The following FYTTD1 variants were observed in gnomAD, a reference collection of about 807,000 sequenced individuals.
FYTTD1 encodes UAP56-interacting factor.
Under a neutral mutation model 40.9 loss-of-function variants are expected in FYTTD1, and 22 were observed. The ratio of observed to expected loss-of-function variants is 0.54; its 90% confidence interval spans 0.38 to 0.77. FYTTD1 has a LOEUF of 0.77. Among genes scored for constraint, FYTTD1 ranks in the 30% least tolerant of loss-of-function variants. FYTTD1 has a pLI of 0.00. For synonymous variants in FYTTD1, 140 were observed against 137.9 expected (o/e 1.01, Z -0.10); for missense variants, 351 against 392.2 (o/e 0.90, Z 0.89).
At chr3:197,751,304 C>G (rs1729032807) in intron 1 of FYTTD1, among the ~76,000 whole-genome samples, 1 of 152,198 alleles carries the variant, frequency 6.6e-6, no homozygotes, top group African/African-American at 2.4e-5. Context: ...GGTTTGGCCT[C>G]AAGTCTTGCC....
chr3:197,750,108 G>T, intron 1 of FYTTD1, 34 bp downstream of exon 1: 2 of 1,484,204 alleles, frequency 1.3e-6, no homozygotes, highest in Non-Finnish European at 1.8e-6. Flanking sequence ...TTGGAGTGCG[G>T]GGGAGGGCGC....
rs543312792 is a variant in FYTTD1 at position 197,773,465 on chromosome 3, G to A, written c.560G>A (p.Arg187His). The change falls in exon 5 of 9, where the codon CGT becomes CAT. Residue 187 changes from arginine to histidine, a missense_variant. Transcript: ENST00000241502. ...AAATTAAATCATCAGAAAGATACTC[G>A]TCAGGCAACTTTTCTTTTCAGAAGA... ...GNKLNHQKDT[R>H]QATFLFRRGL... is the part of the protein sequence containing the mutation. The A allele has an allele frequency of 3.2e-5, 52 of 1,600,500 alleles. No homozygotes were observed. Among genetic ancestry groups the A allele is most frequent in the Non-Finnish European group, 4.0e-5 (47 of 1,170,868 alleles).
At chr3:197,753,800 G>A (rs1177945485) in intron 1 of FYTTD1, among the ~76,000 whole-genome samples, 2 of 151,980 alleles carry the variant, frequency 1.3e-5, no homozygotes, top group Non-Finnish European at 2.9e-5. Flanking sequence ...CTGTCGCCCA[G>A]GCTGGAGTGC....
At chr3:197,756,321 AAGT>A in intron 1 of FYTTD1, 102 bp from the exon 2 acceptor site, 1 of 781,112 alleles carries the variant, frequency 1.3e-6, no homozygotes, top group Non-Finnish European at 2.1e-6. Flanking sequence ...AGTGCTTTCA[AAGT>A]AGAAAAGAAG....
chr3:197,750,104 T>G, intron 1 of FYTTD1, 30 bp downstream of exon 1: 6 of 1,494,238 alleles, frequency 4.0e-6, no homozygotes, highest in Non-Finnish European at 5.4e-6. Flanking sequence ...CGAGTTGGAG[T>G]GCGGGGGAGG....
rs35095139 is a variant in FYTTD1 at position 197,785,638 on chromosome 3, ATT to A, written c.*3732_*3733del. The A allele has an allele frequency of 6.6e-6, 1 of 152,114 alleles. No homozygotes were observed. Among genetic ancestry groups the A allele is most frequent in the African/African-American group, 2.4e-5 (1 of 41,430 alleles). 9.4% of individuals were successfully genotyped at this position (152,114 alleles called of 1,614,324 possible). On this transcript the variant is annotated 3_prime_UTR_variant, in exon 9 of 9. Transcript: ENST00000241502. ...ACTAGGTATGTATATCATTATTAAT[ATT>A]TTACTGTAAATAGCTTTGTAATTCA...
At chr3:197,768,786 G>GTTGT (rs941907896) in intron 3 of FYTTD1, among the ~76,000 whole-genome samples, 199 bp downstream of exon 3, 6 of 151,984 alleles carry the variant, frequency 3.9e-5, no homozygotes, top group Non-Finnish European at 5.9e-5. Context: ...ATATAAGTAA[G>GTTGT]TTGTTTGTTT....
At chr3:197,750,207 C>T in intron 1 of FYTTD1, 133 bp downstream of exon 1, 1 of 825,040 alleles carries the variant, frequency 1.2e-6, no homozygotes. Context: ...CGGACCCGAG[C>T]GGAGGCCCGG....
rs558004549 is a variant in FYTTD1, at chr3:197,751,931, G to A, written c.103+1857G>A. On this transcript the variant is annotated intron_variant, in intron 1 of 8. Transcript: ENST00000241502. ...CTGTCGCCCAGGTTGGAGTGCAGTG[G>A]TGTGATCTCGGGTCGCTGCAACCTC... Among the ~76,000 whole-genome samples, 216 of 152,212 alleles carry A rather than the reference G, an allele frequency of 1.4e-3. 2 individuals are homozygous for A. The highest frequency in any genetic ancestry group is 4.8e-3 in the African/African-American group (201 of 41,514).
intron 2 of FYTTD1, among the ~76,000 whole-genome samples, chr3:197,757,535 C>T (rs1356941172): frequency 6.6e-6 from 1 of 152,184 alleles, no homozygotes; most frequent in African/African-American, 2.4e-5. Context: ...TGCCTGTAAT[C>T]CCAGAACTTT....
rs1353699421 is a variant in FYTTD1 at position 197,787,032 on chromosome 3, CAGG to C, written c.*5126_*5128del. On this transcript the variant is annotated 3_prime_UTR_variant, in exon 9 of 9. Coordinates refer to ENST00000241502, the MANE Select transcript of FYTTD1 (RefSeq NM_032288.7). Reference sequence around the variant, plus strand: ...CAGGCTGGTCTCGAACTCCTACCCTCAGGAGATCTGCCTGCCTCAGCTTCCCAA... The same window carrying C: ...CAGGCTGGTCTCGAACTCCTACCCTCAGATCTGCCTGCCTCAGCTTCCCAA... 3 of 151,946 alleles carry C rather than the reference CAGG, an allele frequency of 2.0e-5. No homozygotes were observed. The highest frequency in any genetic ancestry group is 7.3e-5 in the African/African-American group (3 of 41,332). The allele number at this position is 151,946 out of a possible 1,614,324, so 9.4% of individuals were successfully genotyped here. A position where few individuals can be genotyped will look rare whatever the true frequency, so the allele number is the denominator to read the frequency against.
At chr3:197,770,959 A>G (rs2109048769) in intron 4 of FYTTD1, among the ~76,000 whole-genome samples, 1 of 152,372 alleles carries the variant, frequency 6.6e-6, no homozygotes, top group African/African-American at 2.4e-5. Context: ...ATCACAATGT[A>G]TGTTATTTGT....
intron 1 of FYTTD1, among the ~76,000 whole-genome samples, chr3:197,751,114 G>A (rs1279734668): frequency 6.6e-6 from 1 of 152,220 alleles, no homozygotes; most frequent in Non-Finnish European, 1.5e-5. Context: ...ACGGTCTTTA[G>A]AGTGATAACT....
chr3:197,752,379 C>T (rs1285676313), intron 1 of FYTTD1, among the ~76,000 whole-genome samples: 1 of 152,178 alleles, frequency 6.6e-6, no homozygotes, highest in East Asian at 1.9e-4. Context: ...TTGCTGAAAA[C>T]ATTAAATGAG....
upstream of FYTTD1, chr3:197,749,810 G>C (rs1728932443): frequency 8.4e-6 from 4 of 477,860 alleles, no homozygotes; most frequent in Non-Finnish European, 1.5e-5. Context: ...TCGCCCGCGA[G>C]TGTCGGTGGC....
intron 2 of FYTTD1, among the ~76,000 whole-genome samples, chr3:197,768,192 A>G (rs1729607864): frequency 6.6e-6 from 1 of 152,242 alleles, no homozygotes; most frequent in Non-Finnish European, 1.5e-5. Context: ...AACTAATGAC[A>G]AAAGAGTATG....
intron 8 of FYTTD1, among the ~76,000 whole-genome samples, chr3:197,781,329 T>C (rs528219703): frequency 6.6e-6 from 1 of 151,112 alleles, no homozygotes; most frequent in Non-Finnish European, 1.5e-5. Context: ...AAAAAAAAAA[T>C]TTTGACCAAA....
intron 2 of FYTTD1, among the ~76,000 whole-genome samples, chr3:197,758,430 A>AG (rs1171256285): frequency 6.6e-6 from 1 of 152,226 alleles, no homozygotes; most frequent in African/African-American, 2.4e-5. Flanking sequence ...TTCTACTTCA[A>AG]GGAATTAATT....
At chr3:197,756,976 A>C (rs572380267) in intron 2 of FYTTD1, among the ~76,000 whole-genome samples, 1 of 152,346 alleles carries the variant, frequency 6.6e-6, no homozygotes, top group East Asian at 1.9e-4. Flanking sequence ...TGGCCTCTTA[A>C]TTTGGATTAA....
Sources: allele counts gnomAD v4.1 joint callset (sites outside exome capture counted in the v4.1 genomes callset), GRCh38; gene constraint gnomAD v4.1.1; transcripts MANE v1.5; gene names NCBI Gene and HGNC (gene_info 2026-07-23, HGNC 2026-07-21).